CTNNA2: variants seen among roughly 807,000 people sequenced by gnomAD.
The protein encoded by CTNNA2 is catenin alpha-2.
In CTNNA2, 42 loss-of-function variants were observed where a neutral mutation model predicts 101.0. The observed-to-expected ratio is 0.42, with a 90% CI of 0.32 to 0.54. CTNNA2 has a LOEUF of 0.54. Among genes scored for constraint, CTNNA2 ranks in the 20% least tolerant of loss-of-function variants. The pLI, the probability that CTNNA2 is intolerant of heterozygous loss-of-function variation, is 0.14. For missense variants in CTNNA2, 871 were observed against 1,223.1 expected, an observed-to-expected ratio of 0.71 and a Z score of 4.29; for synonymous variants, 450 against 456.4, an observed-to-expected ratio of 0.99 and a Z score of 0.18.
chr2:80,347,025 T>A (rs1271373683), intron 7 of CTNNA2, among the ~76,000 whole-genome samples: 1 of 152,216 alleles, frequency 6.6e-6, no homozygotes, highest in Non-Finnish European at 1.5e-5. Flanking sequence ...TGGGATCCTG[T>A]CTTGATTAAA....
At chr2:80,177,151 G>A (rs1705442921) in intron 7 of CTNNA2, among the ~76,000 whole-genome samples, 1 of 152,150 alleles carries the variant, frequency 6.6e-6, no homozygotes, top group Admixed American at 6.6e-5. Flanking sequence ...AGACCAGTGG[G>A]TTTCATGAGC....
At chr2:79,582,658 G>T (rs547908750) in intron 1 of CTNNA2, among the ~76,000 whole-genome samples, 1 of 151,994 alleles carries the variant, frequency 6.6e-6, no homozygotes, top group Admixed American at 6.6e-5. Flanking sequence ...TGTAGCTGTT[G>T]GTTGGAATCA....
Position 79,814,613 on chromosome 2 carries a change from A to G in CTNNA2, c.299-43400A>G, listed in dbSNP as rs559638511. ...TTCCATTATATATGTGTGTATACAC[A>G]CACACACACACACACACACACACAC... On this transcript the variant is annotated intron_variant, in intron 3 of 18. Transcript: ENST00000402739. Among the ~76,000 whole-genome samples, 124 of 140,164 alleles carry G rather than the reference A, an allele frequency of 8.8e-4. 1 individual carries two copies. Among genetic ancestry groups the G allele is most frequent in the South Asian group, 4.9e-3 (22 of 4,516 alleles). 92.0% of individuals were successfully genotyped at this position (140,164 alleles called of 152,430 possible).
chr2:80,147,907 A>T (rs1379258829), intron 7 of CTNNA2, among the ~76,000 whole-genome samples: 1 of 152,206 alleles, frequency 6.6e-6, no homozygotes, highest in African/African-American at 2.4e-5. Context: ...GAGCGGATGT[A>T]CAGGGGAAAG....
intron 1 of CTNNA2, among the ~76,000 whole-genome samples, chr2:79,644,045 T>C (rs1043557057): frequency 6.6e-6 from 1 of 152,054 alleles, no homozygotes; most frequent in Non-Finnish European, 1.5e-5. Context: ...TGTTTTGTTT[T>C]GTTTTGTTTT....
At chr2:79,852,319 C>T (rs1418934838) in intron 3 of CTNNA2, among the ~76,000 whole-genome samples, 3 of 152,134 alleles carry the variant, frequency 2.0e-5, no homozygotes, top group Non-Finnish European at 4.4e-5. Context: ...TCTTAAGGAG[C>T]ACATATTTAT....
intron 9 of CTNNA2, among the ~76,000 whole-genome samples, chr2:80,518,652 G>A (rs1349355637): frequency 6.6e-6 from 1 of 152,030 alleles, no homozygotes; most frequent in Non-Finnish European, 1.5e-5. Context: ...TGAATGGCAT[G>A]TTGTATATAC....
intron 15 of CTNNA2, among the ~76,000 whole-genome samples, chr2:80,590,432 G>GT (rs1696374317): frequency 1.4e-5 from 1 of 69,088 alleles, no homozygotes; most frequent in Admixed American, 1.7e-4. Flanking sequence ...TTTTACTGTA[G>GT]TGTTTTTTTT....
chr2:79,817,121 G>T (rs910617414), intron 3 of CTNNA2, among the ~76,000 whole-genome samples: 8 of 151,440 alleles, frequency 5.3e-5, no homozygotes, highest in African/African-American at 1.9e-4. Context: ...GTGCCATGTT[G>T]GTGTGCTGCA....
intron 2 of CTNNA2, among the ~76,000 whole-genome samples, chr2:79,702,067 C>A (rs994739780): frequency 2.0e-5 from 3 of 149,964 alleles, no homozygotes; most frequent in Admixed American, 6.7e-5. Context: ...CAAGAACAGG[C>A]CCCTGATACC....
At chr2:79,270,711 A>G (rs1234411948) in intron 2 of CTNNA2, among the ~76,000 whole-genome samples, 1 of 152,104 alleles carries the variant, frequency 6.6e-6, no homozygotes, top group Non-Finnish European at 1.5e-5. Flanking sequence ...GAAAAAATGC[A>G]CTTGAGGTCA....
chr2:79,476,213 C>G (rs566012270), intron 4 of CTNNA2, among the ~76,000 whole-genome samples: 1 of 152,278 alleles, frequency 6.6e-6, no homozygotes, highest in Non-Finnish European at 1.5e-5. Flanking sequence ...GGAATCTCAG[C>G]CAAGCCATGC....
chr2:80,147,873 A>G (rs1009154752), intron 7 of CTNNA2, among the ~76,000 whole-genome samples: 3 of 152,054 alleles, frequency 2.0e-5, no homozygotes, highest in African/African-American at 7.2e-5. Context: ...ATTGCTCCTG[A>G]CAGAGTGGTT....
At chr2:79,396,395 G>T (rs1451468438) in intron 4 of CTNNA2, among the ~76,000 whole-genome samples, 1 of 152,102 alleles carries the variant, frequency 6.6e-6, no homozygotes, top group East Asian at 1.9e-4. Context: ...CTGACCTCAG[G>T]CGATCTGCCC....
chr2:80,419,026 C>T (rs1680280735), intron 8 of CTNNA2, among the ~76,000 whole-genome samples: 1 of 152,112 alleles, frequency 6.6e-6, no homozygotes, highest in South Asian at 2.1e-4. Context: ...GCACAGTGGC[C>T]AAGTTTCACG....
At chr2:79,375,133 TTC>T (rs1349062189) in intron 4 of CTNNA2, among the ~76,000 whole-genome samples, 1 of 152,188 alleles carries the variant, frequency 6.6e-6, no homozygotes, top group African/African-American at 2.4e-5. Flanking sequence ...TTTCATTCTG[TTC>T]TGCATCAGCA....
intron 7 of CTNNA2, among the ~76,000 whole-genome samples, chr2:80,193,200 T>G (rs184706441): frequency 1.2e-4 from 19 of 152,360 alleles, no homozygotes; most frequent in Admixed American, 1.2e-3. Flanking sequence ...GAATGTTCAT[T>G]CATATCAACC....
chr2:79,804,583 A>G (rs1361056222), intron 3 of CTNNA2, among the ~76,000 whole-genome samples: 1 of 152,188 alleles, frequency 6.6e-6, no homozygotes, highest in East Asian at 1.9e-4. Flanking sequence ...AATGGAATTT[A>G]TAGTTTGACT....
At chr2:80,560,956 T>C (rs1199735871) in intron 12 of CTNNA2, among the ~76,000 whole-genome samples, 2 of 151,962 alleles carry the variant, frequency 1.3e-5, no homozygotes, top group African/African-American at 2.4e-5. Context: ...CTTTTTTTTC[T>C]GTAGAAAATA....
Sources: allele counts gnomAD v4.1 joint callset (sites outside exome capture counted in the v4.1 genomes callset), GRCh38; gene constraint gnomAD v4.1.1; transcripts MANE v1.5; gene names NCBI Gene and HGNC (gene_info 2026-07-23, HGNC 2026-07-21).